Variants in MECOM observed in about 807,000 individuals in gnomAD.
MECOM encodes the protein histone-lysine N-methyltransferase MECOM.
A neutral mutation model predicts 116.3 loss-of-function variants in MECOM; 13 were observed. The ratio of observed to expected loss-of-function variants is 0.11; its 90% CI spans 0.07 to 0.18. The LOEUF (loss-of-function observed/expected upper bound fraction) is 0.18. MECOM is among the 10% of genes least tolerant of loss of function. The pLI is 1.00. For synonymous variants in MECOM, 528 were observed against 535.2 expected (o/e 0.99, Z 0.19); for missense variants, 1,299 against 1,509.0 (o/e 0.86, Z 2.31).
At chr3:169,237,710 T>C (rs1464799744) in intron 2 of MECOM, among the ~76,000 whole-genome samples, 1 of 151,444 alleles carries the variant, frequency 6.6e-6, no homozygotes, top group Non-Finnish European at 1.5e-5. Flanking sequence ...CAAAAATCAC[T>C]GCATACCTGA....
chr3:169,454,130 G>A (rs1381404234), intron 1 of MECOM, among the ~76,000 whole-genome samples: 1 of 152,090 alleles, frequency 6.6e-6, no homozygotes, highest in African/African-American at 2.4e-5. Flanking sequence ...ATGTTAGAAG[G>A]TCTTAAAGAT....
intron 2 of MECOM, among the ~76,000 whole-genome samples, chr3:169,360,653 T>C (rs548952862): frequency 7.9e-5 from 12 of 151,928 alleles, no homozygotes; most frequent in African/African-American, 2.4e-4. Context: ...CCATTCTCAT[T>C]TAACAGGCCA....
intron 7 of MECOM, among the ~76,000 whole-genome samples, chr3:169,118,090 CA>C (rs1200080792): frequency 6.7e-6 from 1 of 149,866 alleles, no homozygotes; most frequent in African/African-American, 2.4e-5. Flanking sequence ...TAAGTCAAAG[CA>C]ATAATAATTA....
chr3:169,104,964 C>T (rs13095581), intron 10 of MECOM, among the ~76,000 whole-genome samples: 38,930 of 151,894 alleles, frequency 0.26, 5,174 homozygotes, highest in Non-Finnish European at 0.28. Context: ...ATAAGGGTTA[C>T]GCAAGTGTCT....
intron 2 of MECOM, among the ~76,000 whole-genome samples, chr3:169,354,317 T>A (rs1490661960): frequency 6.6e-6 from 1 of 151,870 alleles, no homozygotes; most frequent in East Asian, 1.9e-4. Flanking sequence ...CAAGAACATG[T>A]TAAATCTCAA....
intron 2 of MECOM, among the ~76,000 whole-genome samples, chr3:169,281,327 T>G (rs897129353): frequency 6.6e-6 from 1 of 152,238 alleles, no homozygotes; most frequent in Admixed American, 6.5e-5. Flanking sequence ...ACTTACTTAT[T>G]GAAATTTTCA....
chr3:169,116,813 G>C (rs1729304364), intron 7 of MECOM, 74 bp from the exon 8 acceptor site: 1 of 1,493,696 alleles, frequency 6.7e-7, no homozygotes, highest in Non-Finnish European at 8.9e-7. Flanking sequence ...ATCACAATTG[G>C]TTTACTCAAA....
chr3:169,423,351 AG>A (rs34206012), intron 1 of MECOM, among the ~76,000 whole-genome samples: 29,895 of 151,970 alleles, frequency 0.2, 3,550 homozygotes, highest in East Asian at 0.52. Flanking sequence ...CAAGGAAGGC[AG>A]GGGTTTGCCT....
At chr3:169,146,206 A>AAG in intron 2 of MECOM, 1 of 646,188 alleles carries the variant, frequency 1.5e-6, no homozygotes, top group Non-Finnish European at 1.8e-6. Context: ...CAGCAAAAGG[A>AAG]AAAAAAAAAA....
chr3:169,616,532 G>A (rs542301989), intron 1 of MECOM, among the ~76,000 whole-genome samples: 10 of 152,230 alleles, frequency 6.6e-5, no homozygotes, highest in African/African-American at 2.2e-4. Context: ...TTTTTTAGTA[G>A]AGATGCCATG....
At chr3:169,418,746 T>A (rs1250999178) in intron 1 of MECOM, among the ~76,000 whole-genome samples, 1 of 152,052 alleles carries the variant, frequency 6.6e-6, no homozygotes, top group African/African-American at 2.4e-5. Flanking sequence ...GGAACATATG[T>A]CAAAATAATA....
At chr3:169,542,125 T>C (rs16854053) in intron 1 of MECOM, among the ~76,000 whole-genome samples, 7,669 of 152,230 alleles carry the variant, frequency 0.05, 429 homozygotes, top group East Asian at 0.32. Context: ...AAATCTTACA[T>C]TGATTGAGCT....
At chr3:169,643,982 T>A (rs1420273538) in intron 1 of MECOM, among the ~76,000 whole-genome samples, 1 of 152,126 alleles carries the variant, frequency 6.6e-6, no homozygotes, top group Non-Finnish European at 1.5e-5. Flanking sequence ...CTCTTACCAG[T>A]TTCACCCCCT....
intron 2 of MECOM, among the ~76,000 whole-genome samples, chr3:169,344,232 T>C (rs1387419870): frequency 1.3e-5 from 2 of 152,130 alleles, no homozygotes; most frequent in African/African-American, 4.8e-5. Flanking sequence ...AAATGACATA[T>C]ATGTGTTTTT....
intron 2 of MECOM, among the ~76,000 whole-genome samples, chr3:169,148,002 G>A (rs1441555912): frequency 6.6e-6 from 1 of 151,944 alleles, no homozygotes; most frequent in African/African-American, 2.4e-5. Flanking sequence ...TACATTTCCA[G>A]TTTTCTGCTA....
At chr3:169,661,313 CCA>C (rs1176218096) in intron 1 of MECOM, among the ~76,000 whole-genome samples, 6 of 146,566 alleles carry the variant, frequency 4.1e-5, no homozygotes, top group Middle Eastern at 3.4e-3. Context: ...ACTCCCCCCC[CCA>C]CACACACACT....
At position 169,575,569 on chromosome 3, in the gene MECOM, T is replaced by C. The variant is rs2109484378; in HGVS notation, c.37+87767A>G. On this transcript the variant is annotated intron_variant, in intron 1 of 16. Coordinates refer to ENST00000651503, the MANE Select transcript of MECOM (RefSeq NM_004991.4). ...TGTAAACAGATGAGCCGTCCGGGGATGCCGCCTTGTCCTGCTTTTATCTTA... is the reference window on the plus strand; with the variant it reads ...TGTAAACAGATGAGCCGTCCGGGGACGCCGCCTTGTCCTGCTTTTATCTTA... Among the ~76,000 whole-genome samples, 3 of 152,310 alleles carry C rather than the reference T, an allele frequency of 2.0e-5. No homozygotes were observed. In the Middle Eastern group the frequency reaches 0.01, roughly 518 times the overall value.
At chr3:169,361,599 T>C (rs1728312448) in intron 2 of MECOM, among the ~76,000 whole-genome samples, 1 of 151,860 alleles carries the variant, frequency 6.6e-6, no homozygotes, top group Non-Finnish European at 1.5e-5. Flanking sequence ...AAAAATTCTA[T>C]GAGGTAGATC....
chr3:169,159,244 T>C (rs1742462021), intron 2 of MECOM, among the ~76,000 whole-genome samples: 1 of 152,194 alleles, frequency 6.6e-6, no homozygotes, highest in African/African-American at 2.4e-5. Flanking sequence ...TGCTTCAACT[T>C]CTTCAGCCTC....
Sources: allele counts gnomAD v4.1 joint callset (sites outside exome capture counted in the v4.1 genomes callset), GRCh38; gene constraint gnomAD v4.1.1; transcripts MANE v1.5; gene names NCBI Gene and HGNC (gene_info 2026-07-23, HGNC 2026-07-21).